Variants in RANBP2 observed in about 807,000 individuals in gnomAD.
RANBP2 encodes E3 SUMO-protein ligase RanBP2.
RANBP2 carries 57 observed loss-of-function variants against 303.6 expected under a neutral mutation model. That is an observed-to-expected ratio of 0.19 (90% CI 0.15 to 0.23). The LOEUF is 0.23. RANBP2 is among the 10% of genes least tolerant of loss of function. The pLI is 1.00. For synonymous variants in RANBP2, 1,167 were observed against 1,301.5 expected, an observed-to-expected ratio of 0.90 and a Z score of 2.23; for missense variants, 3,138 against 3,780.8, an observed-to-expected ratio of 0.83 and a Z score of 4.46.
the RANBP2 span, among the ~76,000 whole-genome samples, chr2:109,155,176 A>G: frequency 6.6e-6 from 1 of 152,186 alleles, no homozygotes; most frequent in Non-Finnish European, 1.5e-5. Context: ...TTTGCAAACT[A>G]CAACTTGCTA....
At chr2:109,614,355 T>C in the RANBP2 span, 2 of 759,502 alleles carry the variant, frequency 2.6e-6, no homozygotes, top group African/African-American at 3.7e-5. Context: ...GGCCGAGTCC[T>C]CTGGCCTCAG....
the RANBP2 span, among the ~76,000 whole-genome samples, chr2:109,553,418 C>T: frequency 6.6e-6 from 1 of 151,510 alleles, no homozygotes; most frequent in Non-Finnish European, 1.5e-5. Context: ...ATAGCAGGTG[C>T]CTGTAATCCC....
At chr2:109,396,400 T>A in the RANBP2 span, among the ~76,000 whole-genome samples, 1 of 152,140 alleles carries the variant, frequency 6.6e-6, no homozygotes, top group Non-Finnish European at 1.5e-5. Context: ...AGGCAGATAT[T>A]CGTAGTGGAA....
At chr2:108,954,228 T>G in the RANBP2 span, among the ~76,000 whole-genome samples, 1 of 152,092 alleles carries the variant, frequency 6.6e-6, no homozygotes, top group Non-Finnish European at 1.5e-5. Flanking sequence ...TCTTTAGAAC[T>G]GGAGATCCTG....
the RANBP2 span, among the ~76,000 whole-genome samples, chr2:108,995,163 A>C: frequency 6.6e-6 from 1 of 151,858 alleles, no homozygotes; most frequent in Non-Finnish European, 1.5e-5. Flanking sequence ...TTTATTAATC[A>C]ATGGATTTTT....
At chr2:109,015,111 T>C in the RANBP2 span, among the ~76,000 whole-genome samples, 1 of 86,354 alleles carries the variant, frequency 1.2e-5, no homozygotes, top group Non-Finnish European at 2.0e-5. Context: ...AGAGCGAGAC[T>C]CCATCTCAAA....
the RANBP2 span, among the ~76,000 whole-genome samples, chr2:109,637,861 G>A: frequency 6.6e-6 from 1 of 152,142 alleles, no homozygotes; most frequent in Admixed American, 6.6e-5. Flanking sequence ...AAGAGGCTGA[G>A]GCAGGAGAAT....
the RANBP2 span, among the ~76,000 whole-genome samples, chr2:108,814,419 C>T: frequency 0.8 from 121,728 of 151,952 alleles, 49,029 homozygotes; most frequent in East Asian, 0.95. Context: ...AAGGTACAGA[C>T]TTTATATTCA....
chr2:109,614,985 C>T, the RANBP2 span: 1 of 1,540,756 alleles, frequency 6.5e-7, no homozygotes, highest in East Asian at 2.4e-5. Context: ...GCCCCTACCG[C>T]GGACTCCAGC....
At chr2:109,458,525 G>GGTT in the RANBP2 span, among the ~76,000 whole-genome samples, 1 of 140,684 alleles carries the variant, frequency 7.1e-6, no homozygotes, top group Non-Finnish European at 1.5e-5. Flanking sequence ...ATTAATTATT[G>GGTT]GTTTGTATCA....
At chr2:108,910,696 G>T in the RANBP2 span, 3 of 1,503,904 alleles carry the variant, frequency 2.0e-6, no homozygotes, top group Non-Finnish European at 2.8e-6. Context: ...CAGAAGCAGC[G>T]AGGAGGCTGC....
At chr2:109,396,515 G>A in the RANBP2 span, among the ~76,000 whole-genome samples, 10,588 of 152,286 alleles carry the variant, frequency 0.07, 1,191 homozygotes, top group African/African-American at 0.24. Flanking sequence ...CTGTGATGGG[G>A]CCACCCTTTA....
intron 2 of RANBP2, 142 bp from the exon 3 acceptor site, chr2:108,730,632 G>A: frequency 8.4e-7 from 1 of 1,185,862 alleles, no homozygotes; most frequent in East Asian, 2.5e-5. Context: ...GTACTTCTGA[G>A]TTATCTGTAT....
the RANBP2 span, among the ~76,000 whole-genome samples, chr2:109,149,438 C>T: frequency 6.6e-6 from 1 of 152,230 alleles, no homozygotes; most frequent in Non-Finnish European, 1.5e-5. Context: ...TTCTAAACCT[C>T]TTTAATCTCA....
At chr2:108,736,637 A>G (rs1695611290) in intron 6 of RANBP2, among the ~76,000 whole-genome samples, 1 of 152,268 alleles carries the variant, frequency 6.6e-6, no homozygotes, top group South Asian at 2.1e-4. Context: ...CACATGTATT[A>G]GTATAAGCAC....
chr2:108,899,196 G>C, the RANBP2 span, among the ~76,000 whole-genome samples: 1 of 152,338 alleles, frequency 6.6e-6, no homozygotes, highest in South Asian at 2.1e-4. Context: ...CTGACCTAGA[G>C]AGGGAAAAGA....
the RANBP2 span, among the ~76,000 whole-genome samples, chr2:109,463,137 T>C: frequency 6.6e-6 from 1 of 152,206 alleles, no homozygotes; most frequent in Admixed American, 6.5e-5. Context: ...GGGTTGTGAC[T>C]CTGTTTTGTG....
At chr2:109,383,672 G>C in the RANBP2 span, among the ~76,000 whole-genome samples, 1 of 152,180 alleles carries the variant, frequency 6.6e-6, no homozygotes, top group Non-Finnish European at 1.5e-5. Context: ...AAACAGCACT[G>C]ATTCCAGCTT....
At chr2:109,333,661 A>G in the RANBP2 span, among the ~76,000 whole-genome samples, 2 of 152,198 alleles carry the variant, frequency 1.3e-5, no homozygotes, top group Non-Finnish European at 2.9e-5. Flanking sequence ...CTAGAGACAA[A>G]GTTTGCTGAC....
Sources: gnomAD v4.1 joint callset for allele counts (sites outside exome capture counted in the v4.1 genomes callset) on GRCh38, gnomAD v4.1.1 for gene constraint, MANE v1.5 for transcripts, NCBI Gene and HGNC (gene_info 2026-07-23, HGNC 2026-07-21) for gene names.